Variants in PELI2 observed in about 807,000 individuals in gnomAD.
The protein encoded by PELI2 is pellino E3 ubiquitin protein ligase family member 2, also known as E3 ubiquitin-protein ligase pellino homolog 2.
A neutral mutation model predicts 42.3 loss-of-function variants in PELI2; 23 were observed. The ratio of observed to expected loss-of-function variants is 0.54; its 90% CI spans 0.39 to 0.77. PELI2 has a LOEUF of 0.77. Among genes scored for constraint, PELI2 ranks in the 30% least tolerant of loss-of-function variants. The pLI, the probability that PELI2 is intolerant of heterozygous loss-of-function variation, is 0.00. For synonymous variants in PELI2, 245 were observed against 212.2 expected, an observed-to-expected ratio of 1.15 and a Z score of -1.34; for missense variants, 463 against 553.2, an observed-to-expected ratio of 0.84 and a Z score of 1.64.
At chr14:56,212,478 G>C (rs578047220) in intron 2 of PELI2, among the ~76,000 whole-genome samples, 138 of 152,264 alleles carry the variant, frequency 9.1e-4, no homozygotes, top group Admixed American at 1.8e-3. Flanking sequence ...CCTGGGATTG[G>C]GGGGAGAGAG....
chr14:56,142,111 G>A (rs148772110), intron 1 of PELI2, among the ~76,000 whole-genome samples: 25 of 152,242 alleles, frequency 1.6e-4, no homozygotes, highest in African/African-American at 6.0e-4. Context: ...TTCAGATAGC[G>A]ACACTGATCT....
At chr14:56,200,577 T>C (rs1019411322) in intron 2 of PELI2, among the ~76,000 whole-genome samples, 8 of 152,210 alleles carry the variant, frequency 5.3e-5, no homozygotes, top group Admixed American at 1.3e-4. Flanking sequence ...AAAGGGCTGG[T>C]AAAATAATCA....
chr14:56,134,620 CT>C (rs924793531), intron 1 of PELI2, among the ~76,000 whole-genome samples: 3 of 152,012 alleles, frequency 2.0e-5, no homozygotes, highest in African/African-American at 7.2e-5. Context: ...TATTTGTTGA[CT>C]TTTTTGCCTC....
chr14:56,231,274 G>A (rs1228098037), intron 2 of PELI2, among the ~76,000 whole-genome samples: 1 of 152,120 alleles, frequency 6.6e-6, no homozygotes, highest in East Asian at 1.9e-4. Flanking sequence ...GACATCTACA[G>A]AACTCTCCAC....
chr14:56,196,248 G>C (rs941715696), intron 2 of PELI2, among the ~76,000 whole-genome samples: 6 of 151,526 alleles, frequency 4.0e-5, no homozygotes, highest in South Asian at 2.1e-4. Context: ...GCATGTTTTC[G>C]TTTTGTTTTT....
chr14:56,262,651 A>G (rs1888751236), intron 2 of PELI2, among the ~76,000 whole-genome samples: 1 of 152,090 alleles, frequency 6.6e-6, no homozygotes, highest in African/African-American at 2.4e-5. Flanking sequence ...TCTTTGGCCG[A>G]TTTGTAAGGT....
Position 56,297,157 on chromosome 14 carries a change from A to T in PELI2, c.1254A>T (p.Pro418=). 3.1e-6 allele frequency: 5 copies of T among 1,597,524 alleles called. No homozygotes were observed. The highest frequency in any genetic ancestry group is 4.2e-6 in the Non-Finnish European group (5 of 1,177,642). ...GCATCAAATTAATTTTCCAAGGTCC[A>T]ATTGACTGACGCCCTTGACAGCCAT... is the stretch of plus-strand genomic sequence containing the variant. The part of the protein sequence containing the change: ...QNCIKLIFQG[P]ID The change falls in exon 6 of 6, where the codon CCA becomes CCT. Residue 418 remains proline (P), a synonymous_variant. Coordinates refer to ENST00000267460, the MANE Select transcript of PELI2 (RefSeq NM_021255.3).
chr14:56,290,470 A>C lies in PELI2; in HGVS notation c.696+14A>C. Reference sequence around the variant, plus strand: ...CGAGGAAAGCTGGTGAGTGTGCTTCACTCTGCAAGTGTGAAGTACGAAACT... The same window carrying C: ...CGAGGAAAGCTGGTGAGTGTGCTTCCCTCTGCAAGTGTGAAGTACGAAACT... On this transcript the variant is annotated intron_variant, in intron 5 of 5. Coordinates refer to ENST00000267460, the MANE Select transcript of PELI2 (RefSeq NM_021255.3). The C allele has an allele frequency of 6.4e-7, 1 of 1,561,008 alleles. No individual in the cohort carries two copies. Among genetic ancestry groups the C allele is most frequent in the Non-Finnish European group, 8.7e-7 (1 of 1,146,744 alleles).
At chr14:56,282,657 C>A (rs1241031185) in intron 3 of PELI2, among the ~76,000 whole-genome samples, 1 of 151,850 alleles carries the variant, frequency 6.6e-6, no homozygotes, top group Non-Finnish European at 1.5e-5. Context: ...AGTTTGAACT[C>A]AAAAATAAGA....
At chr14:56,205,226 G>A (rs1886475754) in intron 2 of PELI2, among the ~76,000 whole-genome samples, 5 of 152,050 alleles carry the variant, frequency 3.3e-5, no homozygotes, top group Non-Finnish European at 7.4e-5. Context: ...TACCGTGAGT[G>A]GACTGTGAGG....
At position 56,165,071 on chromosome 14, in the gene PELI2, G is replaced by GGGTTT. The variant is rs200587594; in HGVS notation, c.78-13257_78-13253dup. Reference sequence around the variant, plus strand: ...CTTTATTATTTCTTCTACTAATTTTGGGTTTGGTTTGCTCTTGCTTTTCTA... The same window carrying GGGTTT: ...CTTTATTATTTCTTCTACTAATTTTGGGTTTGGTTTGGTTTGCTCTTGCTTTTCTA... On this transcript the variant is annotated intron_variant, in intron 1 of 5. Transcript: ENST00000267460. 6.1e-5 allele frequency among the ~76,000 whole-genome samples: 7 copies of GGGTTT among 115,556 alleles called. No homozygotes were observed. The South Asian group carries it at 1.0e-3, about 16-fold the overall frequency. 75.8% of individuals were successfully genotyped at this position (115,556 alleles called of 152,430 possible). A position where few individuals can be genotyped will look rare whatever the true frequency, so the allele number is the denominator to read the frequency against.
chr14:56,245,376 T>C (rs1566661662), intron 2 of PELI2, among the ~76,000 whole-genome samples: 2 of 152,242 alleles, frequency 1.3e-5, no homozygotes, highest in African/African-American at 4.8e-5. Context: ...TGTGCTGATA[T>C]GGAATACTTA....
intron 5 of PELI2, among the ~76,000 whole-genome samples, chr14:56,294,618 C>G (rs1240262117): frequency 1.3e-5 from 2 of 152,220 alleles, no homozygotes; most frequent in Non-Finnish European, 2.9e-5. Context: ...GCTCTGTCCT[C>G]AGTCCTCTCT....
intron 2 of PELI2, among the ~76,000 whole-genome samples, chr14:56,251,332 T>C (rs1333595100): frequency 6.6e-6 from 1 of 152,236 alleles, no homozygotes; most frequent in African/African-American, 2.4e-5. Context: ...TGTGTAGCAC[T>C]TTGAACTTAA....
chr14:56,271,188 A>G (rs1362815272), intron 2 of PELI2, among the ~76,000 whole-genome samples: 1 of 152,168 alleles, frequency 6.6e-6, no homozygotes, highest in East Asian at 1.9e-4. Context: ...CGAGATGGTA[A>G]AATCATTCAG....
At chr14:56,150,147 A>G (rs777966040) in intron 1 of PELI2, among the ~76,000 whole-genome samples, 1 of 152,214 alleles carries the variant, frequency 6.6e-6, no homozygotes, top group Non-Finnish European at 1.5e-5. Context: ...CAAAAGCAAA[A>G]TAGTTTGAAG....
At chr14:56,262,226 T>TG (rs1210798990) in intron 2 of PELI2, among the ~76,000 whole-genome samples, 1 of 152,236 alleles carries the variant, frequency 6.6e-6, no homozygotes, top group Non-Finnish European at 1.5e-5. Flanking sequence ...AACCTAACAC[T>TG]AACCCTGGTA....
chr14:56,229,767 T>G (rs1887492185), intron 2 of PELI2, among the ~76,000 whole-genome samples: 1 of 152,188 alleles, frequency 6.6e-6, no homozygotes, highest in Non-Finnish European at 1.5e-5. Flanking sequence ...TTGACAGAAG[T>G]GGGCTTCAGA....
chr14:56,120,816 G>A (rs1396399849), intron 1 of PELI2, among the ~76,000 whole-genome samples: 1 of 152,146 alleles, frequency 6.6e-6, no homozygotes, highest in Non-Finnish European at 1.5e-5. Context: ...TGGTTTCTTC[G>A]GCTGGAAGGT....
Sources: allele counts gnomAD v4.1 joint callset (sites outside exome capture counted in the v4.1 genomes callset), GRCh38; gene constraint gnomAD v4.1.1; transcripts MANE v1.5; gene names NCBI Gene and HGNC (gene_info 2026-07-23, HGNC 2026-07-21).